The following KDM6A variants were observed in gnomAD, a reference collection of about 807,000 sequenced individuals.
KDM6A encodes the protein lysine-specific demethylase 6A.
KDM6A carries 11 observed loss-of-function variants against 117.6 expected under a neutral mutation model. The ratio of observed to expected loss-of-function variants is 0.09; its 90% CI spans 0.06 to 0.15. The LOEUF (loss-of-function observed/expected upper bound fraction) is 0.15. KDM6A is among the 10% of genes least tolerant of loss of function. The probability of loss-of-function intolerance (pLI) is 1.00; values close to 1 mark genes in which losing one functional copy is unlikely to be tolerated. For synonymous variants in KDM6A, 384 were observed against 396.1 expected (o/e 0.97, Z 0.36); for missense variants, 799 against 1,077.3 (o/e 0.74, Z 3.62).
At chrX:44,979,567 A>G (rs1456313322) in intron 4 of KDM6A, among the ~76,000 whole-genome samples, 1 of 111,516 alleles carries the variant, frequency 9.0e-6, no homozygotes, top group Non-Finnish European at 1.9e-5. Context: ...TTTGAAGAGC[A>G]AATGTTTATT....
intron 2 of KDM6A, among the ~76,000 whole-genome samples, chrX:44,929,403 A>G (rs1402262179): frequency 9.0e-6 from 1 of 111,415 alleles, no homozygotes; most frequent in Non-Finnish European, 1.9e-5. Context: ...TTTTATTTAA[A>G]TGGAATCATA....
intron 27 of KDM6A, among the ~76,000 whole-genome samples, chrX:45,106,213 T>C (rs1477123794): frequency 1.8e-5 from 2 of 111,783 alleles, no homozygotes; most frequent in Non-Finnish European, 3.8e-5. Flanking sequence ...AAAATTGATA[T>C]TGTTTTATAT....
intron 8 of KDM6A, among the ~76,000 whole-genome samples, chrX:45,042,255 GA>G (rs1265533778): frequency 1.2e-4 from 7 of 60,502 alleles, no homozygotes; most frequent in African/African-American, 9.3e-4. Context: ...GGAGACCGTG[GA>G]GGGAGAGGGG....
At chrX:44,906,950 A>G (rs1187082760) in intron 2 of KDM6A, among the ~76,000 whole-genome samples, 1 of 111,447 alleles carries the variant, frequency 9.0e-6, no homozygotes, top group Non-Finnish European at 1.9e-5. Flanking sequence ...TTATCATCAC[A>G]TTTCACATTG....
At chrX:44,907,435 G>T (rs2034760108) in intron 2 of KDM6A, among the ~76,000 whole-genome samples, 2 of 102,558 alleles carry the variant, frequency 2.0e-5, no homozygotes. Context: ...GTGCCACCAC[G>T]CCCGGCTAAT....
At chrX:45,077,397 T>A (rs968180351) in intron 19 of KDM6A, among the ~76,000 whole-genome samples, 4 of 111,594 alleles carry the variant, frequency 3.6e-5, no homozygotes, top group Admixed American at 9.5e-5. Context: ...TCCAAATAGA[T>A]CTTCCTATCC....
intron 27 of KDM6A, among the ~76,000 whole-genome samples, chrX:45,103,509 C>T (rs2046408433): frequency 8.9e-6 from 1 of 111,753 alleles, no homozygotes; most frequent in Admixed American, 9.5e-5. Context: ...TGCCTAATGT[C>T]CTCATGTATT....
intron 8 of KDM6A, among the ~76,000 whole-genome samples, chrX:45,040,860 C>T (rs1446847407): frequency 4.9e-5 from 4 of 80,917 alleles, no homozygotes; most frequent in South Asian, 6.8e-4. Flanking sequence ...GGCGGCTGGC[C>T]GGGCGGGGGG....
chrX:45,026,478 CCTGT>C (rs1463588493), intron 6 of KDM6A, among the ~76,000 whole-genome samples: 1 of 111,143 alleles, frequency 9.0e-6, no homozygotes, highest in Non-Finnish European at 1.9e-5. Flanking sequence ...TGAAATGCCT[CCTGT>C]CTTTTATTAT....
chrX:45,066,010 A>AC (rs1393527015), intron 17 of KDM6A, among the ~76,000 whole-genome samples: 2 of 111,702 alleles, frequency 1.8e-5, no homozygotes, highest in African/African-American at 6.5e-5. Flanking sequence ...GGCAAAATTT[A>AC]CCCCACGACC....
intron 2 of KDM6A, among the ~76,000 whole-genome samples, chrX:44,922,135 C>T (rs1401122226): frequency 3.2e-5 from 3 of 94,879 alleles, no homozygotes; most frequent in African/African-American, 8.0e-5. Flanking sequence ...CTCTGCCTCC[C>T]GGGTTTAAGC....
chrX:45,042,216 C>T (rs1363288322), intron 8 of KDM6A, among the ~76,000 whole-genome samples: 5 of 87,222 alleles, frequency 5.7e-5, no homozygotes, highest in Admixed American at 1.4e-4. Context: ...CGTCCAGCTT[C>T]GGCTCGGCAT....
chrX:44,925,967 A>C (rs764178252), intron 2 of KDM6A, among the ~76,000 whole-genome samples: 1 of 112,031 alleles, frequency 8.9e-6, no homozygotes, highest in South Asian at 3.7e-4. Context: ...TCACCAGTGA[A>C]ACAGTGTAGA....
At chrX:45,077,649 T>C (rs1164154278) in intron 19 of KDM6A, among the ~76,000 whole-genome samples, 1 of 110,968 alleles carries the variant, frequency 9.0e-6, no homozygotes, top group Non-Finnish European at 1.9e-5. Context: ...ACTTGTAAAG[T>C]GAGCTCTGAG....
chrX:45,038,630 T>C (rs756893505), intron 8 of KDM6A, among the ~76,000 whole-genome samples: 2 of 107,992 alleles, frequency 1.9e-5, no homozygotes, highest in Non-Finnish European at 3.8e-5. Context: ...AGGGAGAGCA[T>C]TAGGACAAAC....
At chrX:45,099,479 C>T (rs1019226975) in intron 27 of KDM6A, among the ~76,000 whole-genome samples, 6 of 110,615 alleles carry the variant, frequency 5.4e-5, no homozygotes, top group Non-Finnish European at 7.6e-5. Context: ...TTTGTTTTCT[C>T]ATAATTGTAT....
chrX:44,879,988 T>C (rs1481922333), intron 2 of KDM6A, among the ~76,000 whole-genome samples: 1 of 109,453 alleles, frequency 9.1e-6, no homozygotes, highest in Non-Finnish European at 1.9e-5. Flanking sequence ...GCCTGACCAA[T>C]ATGGTGAAAC....
chrX:45,096,500 C>T (rs2046113001), intron 27 of KDM6A, among the ~76,000 whole-genome samples: 1 of 111,609 alleles, frequency 9.0e-6, no homozygotes, highest in Admixed American at 9.5e-5. Flanking sequence ...GGTAAGAAAC[C>T]ATGGTGGGGC....
At chrX:44,889,695 T>C (rs1227721168) in intron 2 of KDM6A, among the ~76,000 whole-genome samples, 1 of 112,006 alleles carries the variant, frequency 8.9e-6, no homozygotes, top group Non-Finnish European at 1.9e-5. Context: ...TGAAGGAAAG[T>C]TGGAGTCCTT....
Sources: allele counts gnomAD v4.1 joint callset (sites outside exome capture counted in the v4.1 genomes callset), GRCh38; gene constraint gnomAD v4.1.1; transcripts MANE v1.5; gene names NCBI Gene and HGNC (gene_info 2026-07-23, HGNC 2026-07-21).